GRM6: variants seen among roughly 807,000 people sequenced by gnomAD.
The protein encoded by GRM6 is glutamate metabotropic receptor 6.
A neutral mutation model predicts 78.4 loss-of-function variants in GRM6; 73 were observed. The observed-to-expected ratio is 0.93, with a 90% CI of 0.77 to 1.13. GRM6 has a LOEUF of 1.13. Among genes scored for constraint, GRM6 ranks in the 50% most tolerant of loss-of-function variants. The pLI is 0.00. For synonymous variants in GRM6, 580 were observed against 555.0 expected, an observed-to-expected ratio of 1.05 and a Z score of -0.63; for missense variants, 1,251 against 1,256.4, an observed-to-expected ratio of 1.00 and a Z score of 0.07.
rs1760605567 is a variant in GRM6 at position 178,988,304 on chromosome 5, T to C, written c.1354+631A>G. On this transcript the variant is annotated intron_variant, in intron 7 of 10. Transcript: ENST00000517717. This position sits in a 1 kb window ranked among gnomAD's most constrained non-coding sequence, Gnocchi z 6.0. ...AGAGATGCTCTGGAGTCATATTAAA[T>C]GGAATTGATTAGCAGAGAGCATGGC... 2.0e-5 allele frequency among the ~76,000 whole-genome samples: 3 copies of C among 152,148 alleles called. No individual in the cohort carries two copies. Among genetic ancestry groups the C allele is most frequent in the Admixed American group, 1.3e-4 (2 of 15,282 alleles).
chr5:178,981,871 G>A lies in GRM6; in HGVS notation c.2437-17C>T. On this transcript the variant is annotated splice_polypyrimidine_tract_variant and intron_variant, in intron 10 of 10. Coordinates refer to ENST00000517717, the MANE Select transcript of GRM6 (RefSeq NM_000843.4). The surrounding 1 kb of genome is among the most constrained non-coding windows in gnomAD (Gnocchi z 5.1). ...GATGTAGATCTAGGCCATGGAAGAG[G>A]GGACCAGATGGGACTCAGCCCTGCT... is the stretch of plus-strand genomic sequence containing the variant. The A allele has an allele frequency of 1.4e-6, 2 of 1,467,744 alleles. No homozygotes were observed. Among genetic ancestry groups the A allele is most frequent in the Non-Finnish European group, 1.9e-6 (2 of 1,046,932 alleles). The allele number at this position is 1,467,744 out of a possible 1,614,324, so 90.9% of individuals were successfully genotyped here.
Position 178,986,436 on chromosome 5 carries a change from G to A in GRM6, c.1818C>T (p.Thr606=), listed in dbSNP as rs1174180092. ...GIVATTTVVA[T]FVRYNNTPIV... is the part of the protein sequence containing the mutation. ...TGGGCGTGTTGTTGTACCGCACGAA[G>A]GTGGCCACCACCGTGGTAGTGGCCA... Residue 606 remains threonine, a synonymous_variant, in exon 9 of 11, where the codon ACC becomes ACT. Coordinates refer to ENST00000517717, the MANE Select transcript of GRM6 (RefSeq NM_000843.4). 5 of 1,613,416 alleles carry A rather than the reference G, an allele frequency of 3.1e-6. No individual in the cohort carries two copies. The African/African-American group carries it at 5.3e-5, about 17-fold the overall frequency.
chr5:178,986,668 T>C lies in GRM6; in HGVS notation c.1586A>G (p.Lys529Arg), dbSNP rs947814192. The stretch of plus-strand genomic sequence containing the variant: ...ACAGCAGGGGACGCCCTTCACCATC[T>C]TCTTCCGCTCCCCCGGCCCGCAGGG... ...SLPCGPGERK[K>R]MVKGVPCCWH... Residue 529 changes from lysine to arginine, a missense_variant, in exon 9 of 11, where the codon AAG becomes AGG. By Grantham distance (26) the Lys-to-Arg change is conservative. Coordinates refer to ENST00000517717, the MANE Select transcript of GRM6 (RefSeq NM_000843.4). 3 of 1,603,068 alleles carry C rather than the reference T, an allele frequency of 1.9e-6. No individual in the cohort carries two copies. In the East Asian group the frequency reaches 6.7e-5, roughly 36 times the overall value.
At position 178,994,668 on chromosome 5, in the gene GRM6, C is replaced by T. The variant is rs1386926233; in HGVS notation, c.277G>A (p.Ala93Thr). The change falls in exon 2 of 11, where the codon GCG becomes ACG. Residue 93 changes from alanine to threonine, a missense_variant. Ala to Thr is a moderately conservative substitution (Grantham distance 58). Transcript: ENST00000517717. ...CGCGAGCAGGTGTCCAGCAGCCGCG[C>T]GCCCAGGCGCACGCCGGGCAGCAGC... ...PELLPGVRLG[A>T]RLLDTCSRDT... 1.4e-6 allele frequency: 2 copies of T among 1,467,966 alleles called. No homozygotes were observed. The highest frequency in any genetic ancestry group is 1.8e-6 in the Non-Finnish European group (2 of 1,112,844). 90.9% of individuals were successfully genotyped at this position (1,467,966 alleles called of 1,614,324 possible).
In GRM6 at chr5:178,989,322, TA is replaced by T; in HGVS notation, c.1095del (p.Phe365LeufsTer5). ...GTACCTGAGCTGGTCAGTTTGCAGT[TA>T]AAATTCTCTTCCCAGAACTCGGCGA... ...IWFAEFWEENFNCKLTSSGTQ... is the reference protein window; with the variant it reads ...IWFAEFWEENXNCKLTSSGTQ... On this transcript the variant is annotated frameshift_variant, in exon 6 of 11. Transcript: ENST00000517717. LOFTEE classifies it high-confidence loss of function. 2 of 1,613,126 alleles carry T rather than the reference TA, an allele frequency of 1.2e-6. No individual in the cohort carries two copies. Among genetic ancestry groups the T allele is most frequent in the Non-Finnish European group, 1.7e-6 (2 of 1,179,748 alleles).
chr5:178,986,560 G>A lies in GRM6; in HGVS notation c.1694C>T (p.Thr565Met), dbSNP rs150648013. Residue 565 changes from threonine (T) to methionine (M), a missense_variant, in exon 9 of 11, where the codon ACG becomes ATG. Transcript: ENST00000517717. The part of the protein sequence containing the change: ...CEACPGDMRP[T>M]PNHTGCRPTP... ...GGGGCGGCAGCCCGTGTGGTTGGGC[G>A]TGGGCCTCATGTCCCCAGGACAGGC... 540 of 1,607,924 alleles carry A rather than the reference G, an allele frequency of 3.4e-4. 3 individuals carry two copies. Among genetic ancestry groups the A allele is most frequent in the East Asian group, 6.2e-4 (28 of 44,838 alleles).
In GRM6 at chr5:178,989,253, G is replaced by A. The variant is rs368181764; in HGVS notation, c.1153+12C>T. The A allele has an allele frequency of 4.7e-6, 7 of 1,504,818 alleles. No homozygotes were observed. In the African/African-American group the frequency reaches 6.3e-5, roughly 13 times the overall value. The allele number at this position is 1,504,818 out of a possible 1,614,324, so 93.2% of individuals were successfully genotyped here. ...CACCCTCCCCACCCTCACCACCCTG[G>A]GCAGCTCTCACCTGTGCATTTGCGG... On this transcript the variant is annotated intron_variant, in intron 6 of 10. Transcript: ENST00000517717.
chr5:178,990,565 T>A (rs770613703), intron 5 of GRM6, 27 bp downstream of exon 5: 2 of 1,592,768 alleles, frequency 1.3e-6, no homozygotes, highest in Non-Finnish European at 1.7e-6. Flanking sequence ...ACGTGTGGGG[T>A]GGGGGATGGA....
chr5:178,987,022 C>T (rs764914265), intron 7 of GRM6, 39 bp from the exon 8 acceptor site: 10 of 1,604,146 alleles, frequency 6.2e-6, no homozygotes, highest in South Asian at 1.1e-5. Flanking sequence ...GTCCTCCAGC[C>T]CAGCAGAGCT....
At chr5:178,986,094 C>T (rs1247728031) in intron 9 of GRM6, 36 bp downstream of exon 9, 3 of 1,594,344 alleles carry the variant, frequency 1.9e-6, no homozygotes, top group Non-Finnish European at 2.6e-6. Context: ...GACAGTCCCC[C>T]TCCCTGCCCT....
intron 2 of GRM6, among the ~76,000 whole-genome samples, chr5:178,993,626 C>T (rs2113346137): frequency 6.6e-6 from 1 of 152,292 alleles, no homozygotes; most frequent in Non-Finnish European, 1.5e-5. Context: ...CGGATGCACA[C>T]AGGCCCCTCC....
rs369163160 is a variant in GRM6 at position 178,986,792 on chromosome 5, G to A, written c.1501-39C>T. On this transcript the variant is annotated intron_variant, in intron 8 of 10. Coordinates refer to ENST00000517717, the MANE Select transcript of GRM6 (RefSeq NM_000843.4). ...AACACAGGCTGGGGCGTCTGCCTCC[G>A]GGATCCTGGGCCCATGCCCACCTGG... 2.6e-4 allele frequency: 418 copies of A among 1,611,870 alleles called. 1 individual carries two copies. Among genetic ancestry groups the A allele is most frequent in the Middle Eastern group, 2.1e-3 (13 of 6,060 alleles).
rs1209575676 is a variant in GRM6 at position 178,980,445 on chromosome 5, C to A, written c.*1212G>T. ...AGGAATGAAGGGTTTCCATACCCGT[C>A]CTGAGCCATCCACTTGGGATTCACC... On this transcript the variant is annotated 3_prime_UTR_variant, in exon 11 of 11. Coordinates refer to ENST00000517717, the MANE Select transcript of GRM6 (RefSeq NM_000843.4). This position sits in a 1 kb window ranked among gnomAD's most constrained non-coding sequence, Gnocchi z 4.3. The A allele has an allele frequency of 1.3e-5, 2 of 154,376 alleles. No individual in the cohort carries two copies. Among genetic ancestry groups the A allele is most frequent in the East Asian group, 3.9e-4 (2 of 5,190 alleles). 9.6% of individuals were successfully genotyped at this position (154,376 alleles called of 1,614,324 possible). A position where few individuals can be genotyped will look rare whatever the true frequency, so the allele number is the denominator to read the frequency against.
In GRM6 at chr5:178,985,689, C is replaced by T. The variant is rs578055233; in HGVS notation, c.2124+441G>A. On this transcript the variant is annotated intron_variant, in intron 9 of 10. Coordinates refer to ENST00000517717, the MANE Select transcript of GRM6 (RefSeq NM_000843.4). The stretch of plus-strand genomic sequence containing the variant: ...CTGCACTCCAGCCTGGGCGACACAG[C>T]GAGACTCTGTCTAAAAAAAAAAAAA... 7.7e-4 allele frequency: 297 copies of T among 386,306 alleles called. 4 individuals carry two copies. The highest frequency in any genetic ancestry group is 3.2e-3 in the South Asian group (178 of 54,832). The allele number at this position is 386,306 out of a possible 1,614,324, so 23.9% of individuals were successfully genotyped here.
rs1760623055 is a variant in GRM6 at position 178,989,121 on chromosome 5, C to T, written c.1168G>A (p.Gly390Ser). Residue 390 changes from glycine to serine, a missense_variant, in exon 7 of 11, where the codon GGC (glycine) becomes AGC (serine). Transcript: ENST00000517717. ...TRKCTGEERI[G>S]RDSTYEQEGK... ...TCCTGCTCGTAGGTGGAGTCCCGGC[C>T]GATGCGTTCCTCGCCTGTCCTAGGG... 3.1e-6 allele frequency: 5 copies of T among 1,613,860 alleles called. No individual in the cohort carries two copies. Among genetic ancestry groups the T allele is most frequent in the African/African-American group, 2.7e-5 (2 of 74,920 alleles).
rs781133725 is a variant in GRM6, at chr5:178,989,049, C to T, written c.1240G>A (p.Ala414Thr). Residue 414 changes from alanine to threonine, a missense_variant, in exon 7 of 11, where the codon GCC (alanine) becomes ACC (threonine). Transcript: ENST00000517717. ...AGCGCCTGGTGCATGCTGTGGAGGG[C>T]GTGGGCAATGGCGTACACCGCATCA... ...VIDAVYAIAH[A>T]LHSMHQALCP... The T allele has an allele frequency of 2.2e-5, 36 of 1,614,006 alleles. No homozygotes were observed. The highest frequency in any genetic ancestry group is 4.5e-5 in the East Asian group (2 of 44,866).
At position 178,994,851 on chromosome 5, in the gene GRM6, A is replaced by AGCCCGCCGCGCGCGCCAG; in HGVS notation, c.76_93dup (p.Leu26_Gly31dup). 1 of 1,214,686 alleles carries AGCCCGCCGCGCGCGCCAG rather than the reference A, an allele frequency of 8.2e-7. No individual in the cohort carries two copies. Among genetic ancestry groups the AGCCCGCCGCGCGCGCCAG allele is most frequent in the Non-Finnish European group, 1.0e-6 (1 of 976,656 alleles). 75.2% of individuals were successfully genotyped at this position (1,214,686 alleles called of 1,614,324 possible). A position where few individuals can be genotyped will look rare whatever the true frequency, so the allele number is the denominator to read the frequency against. ...GTCAGGCCGCCCGCCAGGCGCACAG[A>AGCCCGCCGCGCGCGCCAG]GCCCGCCGCGCGCGCCAGGCCCGCC... On this transcript the variant is annotated inframe_insertion, in exon 2 of 11. Coordinates refer to ENST00000517717, the MANE Select transcript of GRM6 (RefSeq NM_000843.4).
In GRM6 at chr5:178,992,121, G is replaced by A. The variant is rs773772010; in HGVS notation, c.505-38C>T. 76 of 1,453,200 alleles carry A rather than the reference G, an allele frequency of 5.2e-5. No individual in the cohort carries two copies. The highest frequency in any genetic ancestry group is 6.6e-5 in the Non-Finnish European group (68 of 1,037,214). The allele number at this position is 1,453,200 out of a possible 1,614,324, so 90.0% of individuals were successfully genotyped here. On this transcript the variant is annotated intron_variant, in intron 2 of 10. Coordinates refer to ENST00000517717, the MANE Select transcript of GRM6 (RefSeq NM_000843.4). The surrounding 1 kb of genome is among the most constrained non-coding windows in gnomAD (Gnocchi z 4.9). ...AAGGACAGCTGGGCTGTGGATGGAG[G>A]TCAGTAACTCAAGAGAGGGAGGGTA...
rs1760662383 is a variant in GRM6 at position 178,991,110 on chromosome 5, G to A, written c.857+314C>T. Among the ~76,000 whole-genome samples, 1 of 152,180 alleles carries A rather than the reference G, an allele frequency of 6.6e-6. No individual in the cohort carries two copies. The highest frequency in any genetic ancestry group is 2.4e-5 in the African/African-American group (1 of 41,516). Reference sequence around the variant, plus strand: ...GGGCTGGGGTCCGCAGCCTCTGTATGGACCCTGGGCTCCTTCCCTCACAGC... The same window carrying A: ...GGGCTGGGGTCCGCAGCCTCTGTATAGACCCTGGGCTCCTTCCCTCACAGC... On this transcript the variant is annotated intron_variant, in intron 4 of 10. Transcript: ENST00000517717. This position sits in a 1 kb window ranked among gnomAD's most constrained non-coding sequence, Gnocchi z 5.0.
Sources: gnomAD v4.1 joint callset for allele counts (sites outside exome capture counted in the v4.1 genomes callset) on GRCh38, gnomAD v4.1.1 for gene constraint, Gnocchi (gnomAD v3.1) non-coding constraint, MANE v1.5 for transcripts, NCBI Gene and HGNC (gene_info 2026-07-23, HGNC 2026-07-21) for gene names.